The following VLDLR variants were observed in gnomAD, a reference collection of about 807,000 sequenced individuals.
VLDLR encodes very low density lipoprotein receptor.
Under a neutral mutation model 112.7 loss-of-function variants are expected in VLDLR, and 81 were observed. The observed-to-expected ratio is 0.72, with a 90% confidence interval of 0.60 to 0.86. The LOEUF (loss-of-function observed/expected upper bound fraction) is 0.86. VLDLR is among the 40% of genes least tolerant of loss of function. VLDLR has a pLI of 0.00. For synonymous variants in VLDLR, 436 were observed against 384.8 expected (o/e 1.13, Z -1.56); for missense variants, 1,237 against 1,099.4 (o/e 1.13, Z -1.77).
intron 4 of VLDLR, among the ~76,000 whole-genome samples, 184 bp downstream of exon 4, chr9:2,641,683 A>G (rs1471801345): frequency 1.3e-5 from 2 of 152,212 alleles, no homozygotes; most frequent in Admixed American, 1.3e-4. Context: ...TTCATGTGGC[A>G]ATTGACCATC....
chr9:2,653,013 G>C, intron 18 of VLDLR, 64 bp downstream of exon 18: 2 of 1,600,652 alleles, frequency 1.2e-6, no homozygotes, highest in Non-Finnish European at 1.7e-6. Flanking sequence ...AAGGAGACCT[G>C]GGTGAGAGAG....
At position 2,647,609 on chromosome 9, in the gene VLDLR, TTC is replaced by T. The variant is rs1284890574; in HGVS notation, c.1822+20_1822+21del. On this transcript the variant is annotated intron_variant, in intron 12 of 18. Coordinates refer to ENST00000382100, the MANE Select transcript of VLDLR (RefSeq NM_003383.5). ...TTACACTTGGTATGTATGTTCTTCC[TTC>T]TCGACCACCCACTCAACTATCTTCA... 6.3e-7 allele frequency: 1 copy of T among 1,593,856 alleles called. No homozygotes were observed.
At chr9:2,639,797 A>C in intron 2 of VLDLR, 62 bp from the exon 3 acceptor site, 1 of 1,612,694 alleles carries the variant, frequency 6.2e-7, no homozygotes, top group Non-Finnish European at 8.5e-7. Flanking sequence ...ATGAGCCCTC[A>C]TGTGAAGCTA....
rs374367278 is a variant in VLDLR at position 2,622,079 on chromosome 9, C to G, written c.-111C>G. On this transcript the variant is annotated 5_prime_UTR_variant, in exon 1 of 19. Coordinates refer to ENST00000382100, the MANE Select transcript of VLDLR (RefSeq NM_003383.5). The stretch of plus-strand genomic sequence containing the variant: ...CCAACTCCTTCCCCTCCTTCTCCCC[C>G]TTTCCCCTCCCCGCCCCCACCTTCT... The G allele has an allele frequency of 2.4e-5, 27 of 1,116,726 alleles. 1 individual carries two copies. In the Middle Eastern group the frequency reaches 2.0e-3, roughly 83 times the overall value. The allele number at this position is 1,116,726 out of a possible 1,614,324, so 69.2% of individuals were successfully genotyped here.
intron 2 of VLDLR, among the ~76,000 whole-genome samples, chr9:2,637,603 G>A (rs1192753271): frequency 6.6e-6 from 1 of 151,766 alleles, no homozygotes; most frequent in East Asian, 2.0e-4. Context: ...AAACACTGTG[G>A]TATACAGCCA....
rs1253634769 is a variant in VLDLR, at chr9:2,656,419, C to T, written c.*2551C>T. ...GACCAGCCTGAGCAACATGGTGAGA[C>T]CCTGTCTCTACAAAAAAAAAATTTA... On this transcript the variant is annotated 3_prime_UTR_variant, in exon 19 of 19. Coordinates refer to ENST00000382100, the MANE Select transcript of VLDLR (RefSeq NM_003383.5). 1.3e-5 allele frequency: 2 copies of T among 150,268 alleles called. No homozygotes were observed. Among genetic ancestry groups the T allele is most frequent in the African/African-American group, 4.9e-5 (2 of 40,894 alleles). The allele number at this position is 150,268 out of a possible 1,614,324, so 9.3% of individuals were successfully genotyped here.
chr9:2,644,000 G>C (rs758197778), intron 7 of VLDLR, 41 bp downstream of exon 7: 2 of 1,613,644 alleles, frequency 1.2e-6, no homozygotes, highest in African/African-American at 1.3e-5. Context: ...CTGGAAGTTT[G>C]ACACAATCCA....
At chr9:2,632,059 A>G (rs1258061699) in intron 1 of VLDLR, among the ~76,000 whole-genome samples, 2 of 152,216 alleles carry the variant, frequency 1.3e-5, no homozygotes, top group Non-Finnish European at 2.9e-5. Context: ...TTCATTCATT[A>G]CAAATTTAAA....
In VLDLR at chr9:2,622,119, G is replaced by T; in HGVS notation, c.-71G>T. On this transcript the variant is annotated 5_prime_UTR_variant, in exon 1 of 19. In the 5' UTR this introduces an upstream ATG that the reference lacks. Coordinates refer to ENST00000382100, the MANE Select transcript of VLDLR (RefSeq NM_003383.5). ...CCCCACCTTCTTCCTCCTTTCGGAA[G>T]GACTGGTAACTTGTCGTGCGGAGCG... 2 of 1,398,922 alleles carry T rather than the reference G, an allele frequency of 1.4e-6. No homozygotes were observed. The highest frequency in any genetic ancestry group is 9.5e-7 in the Non-Finnish European group (1 of 1,057,970). The allele number at this position is 1,398,922 out of a possible 1,614,324, so 86.7% of individuals were successfully genotyped here. A position where few individuals can be genotyped will look rare whatever the true frequency, so the allele number is the denominator to read the frequency against.
chr9:2,647,340 A>T, intron 11 of VLDLR, 134 bp from the exon 12 acceptor site: 1 of 722,134 alleles, frequency 1.4e-6, no homozygotes, highest in Admixed American at 2.0e-5. Flanking sequence ...CATAATTTAG[A>T]CCCTTAAGTG....
chr9:2,630,123 T>C (rs569468036), intron 1 of VLDLR, among the ~76,000 whole-genome samples: 8 of 152,300 alleles, frequency 5.3e-5, no homozygotes, highest in Non-Finnish European at 1.2e-4. Context: ...TTTCAGAGGC[T>C]GACTTTAAGG....
intron 2 of VLDLR, among the ~76,000 whole-genome samples, chr9:2,636,179 T>C (rs1055929592): frequency 7.2e-5 from 11 of 152,230 alleles, no homozygotes; most frequent in Non-Finnish European, 1.5e-4. Flanking sequence ...AATGCCTATG[T>C]ATGCAATCTA....
rs949786742 is a variant in VLDLR at position 2,622,103 on chromosome 9, C to G, written c.-87C>G. The G allele has an allele frequency of 5.5e-5, 71 of 1,297,920 alleles. No homozygotes were observed. The highest frequency in any genetic ancestry group is 6.9e-5 in the Non-Finnish European group (67 of 974,952). 80.4% of individuals were successfully genotyped at this position (1,297,920 alleles called of 1,614,324 possible). The stretch of plus-strand genomic sequence containing the variant: ...CCTTTCCCCTCCCCGCCCCCACCTT[C>G]TTCCTCCTTTCGGAAGGACTGGTAA... On this transcript the variant is annotated 5_prime_UTR_variant, in exon 1 of 19. Coordinates refer to ENST00000382100, the MANE Select transcript of VLDLR (RefSeq NM_003383.5).
In VLDLR at chr9:2,654,672, T is replaced by G. The variant is rs1818522098; in HGVS notation, c.*804T>G. 6.6e-6 allele frequency: 1 copy of G among 152,234 alleles called. No homozygotes were observed. 9.4% of individuals were successfully genotyped at this position (152,234 alleles called of 1,614,324 possible). A position where few individuals can be genotyped will look rare whatever the true frequency, so the allele number is the denominator to read the frequency against. ...TTTGCTCCCGAAATATTTCTTACTG[T>G]GTAAAAGAAGCTAGCTTAGTCTGTA... On this transcript the variant is annotated 3_prime_UTR_variant, in exon 19 of 19. Coordinates refer to ENST00000382100, the MANE Select transcript of VLDLR (RefSeq NM_003383.5).
intron 1 of VLDLR, among the ~76,000 whole-genome samples, chr9:2,624,756 A>G (rs759570383): frequency 6.6e-6 from 1 of 152,232 alleles, no homozygotes. Flanking sequence ...GATAGCACCA[A>G]TGAAGGTATG....
At chr9:2,640,014 C>A (rs1324361461) in intron 3 of VLDLR, 33 bp downstream of exon 3, 1 of 1,614,060 alleles carries the variant, frequency 6.2e-7, no homozygotes, top group South Asian at 1.1e-5. Flanking sequence ...TTGAACTTTG[C>A]CAAGTTGTTC....
chr9:2,633,627 C>G (rs575475622), intron 1 of VLDLR, among the ~76,000 whole-genome samples: 2 of 152,066 alleles, frequency 1.3e-5, no homozygotes, highest in African/African-American at 2.4e-5. Flanking sequence ...AAAAAAAAAT[C>G]AGAGGCTTTC....
At position 2,634,209 on chromosome 9, in the gene VLDLR, A is replaced by G. The variant is rs568437484; in HGVS notation, c.83-1244A>G. Among the ~76,000 whole-genome samples the G allele has an allele frequency of 3.3e-5, 5 of 152,308 alleles. No individual in the cohort carries two copies. In the South Asian group the frequency reaches 1.0e-3, roughly 32 times the overall value. On this transcript the variant is annotated intron_variant, in intron 1 of 18. Coordinates refer to ENST00000382100, the MANE Select transcript of VLDLR (RefSeq NM_003383.5). ...CACAAAGCACGAAATGCTCCCAGAC[A>G]GCAGGGAGTAGCTGACACTAGGGAG...
intron 2 of VLDLR, among the ~76,000 whole-genome samples, chr9:2,636,475 A>C (rs1464027121): frequency 6.6e-6 from 1 of 152,224 alleles, no homozygotes; most frequent in Non-Finnish European, 1.5e-5. Context: ...TTCTTCATGC[A>C]TCATTATTAA....
Sources: allele counts gnomAD v4.1 joint callset (sites outside exome capture counted in the v4.1 genomes callset), GRCh38; gene constraint gnomAD v4.1.1; transcripts MANE v1.5; gene names NCBI Gene and HGNC (gene_info 2026-07-23, HGNC 2026-07-21).